Variants in MICAL3 observed in about 807,000 individuals in gnomAD.
The protein encoded by MICAL3 is [F-actin]-monooxygenase MICAL3.
MICAL3 carries 62 observed loss-of-function variants against 207.4 expected under a neutral mutation model. The observed-to-expected ratio is 0.30, with a 90% confidence interval of 0.24 to 0.37. The LOEUF (loss-of-function observed/expected upper bound fraction) is 0.37, where lower values mean the gene tolerates loss of function less well. Among genes scored for constraint, MICAL3 ranks in the 10% least tolerant of loss-of-function variants. The pLI is 1.00. For synonymous variants in MICAL3, 1,077 were observed against 1,069.3 expected, an observed-to-expected ratio of 1.01 and a Z score of -0.14; for missense variants, 2,368 against 2,635.6, an observed-to-expected ratio of 0.90 and a Z score of 2.22.
intron 19 of MICAL3, among the ~76,000 whole-genome samples, chr22:17,851,864 T>C (rs1046788627): frequency 7.9e-5 from 12 of 152,116 alleles, no homozygotes; most frequent in African/African-American, 2.7e-4. Context: ...AGAGAGGAGT[T>C]TGGTTCCGGG....
chr22:17,936,050 A>T (rs1404226122), intron 1 of MICAL3, among the ~76,000 whole-genome samples: 3 of 152,210 alleles, frequency 2.0e-5, no homozygotes, highest in Non-Finnish European at 4.4e-5. Context: ...TAGAATTACC[A>T]TTTGACCCAG....
intron 19 of MICAL3, chr22:17,858,412 TTTGAGTCTAA>T (rs1391530798): frequency 5.6e-5 from 54 of 970,676 alleles, no homozygotes; most frequent in Non-Finnish European, 6.5e-5. Context: ...AGGGCTGGTT[TTTGAGTCTAA>T]AGGAGGTTTC....
At chr22:17,820,806 T>G (rs918598335) in intron 25 of MICAL3, among the ~76,000 whole-genome samples, 19 of 148,514 alleles carry the variant, frequency 1.3e-4, no homozygotes, top group African/African-American at 3.9e-4. Context: ...CCATTTATCA[T>G]AAAAATTATA....
Position 17,906,785 on chromosome 22 carries a change from T to C in MICAL3, c.28A>G (p.Asn10Asp). The change falls in exon 2 of 32, where the codon AAC becomes GAC. Residue 10 changes from asparagine to aspartate, a missense_variant. By Grantham distance (23) the Asn-to-Asp change is conservative. Coordinates refer to ENST00000441493, the MANE Select transcript of MICAL3 (RefSeq NM_015241.3). MEERKHETM[N>D]PAHVLFDRFV... ...CGGTCAAAGAGGACATGAGCTGGGT[T>C]CATGGTCTCATGCTTCCTCTCCTCC... 1.2e-6 allele frequency: 2 copies of C among 1,610,592 alleles called. No homozygotes were observed. Among genetic ancestry groups the C allele is most frequent in the Non-Finnish European group, 1.7e-6 (2 of 1,177,748 alleles).
chr22:17,960,876 C>A (rs1305735369), intron 1 of MICAL3, among the ~76,000 whole-genome samples: 3 of 152,140 alleles, frequency 2.0e-5, no homozygotes, highest in Non-Finnish European at 4.4e-5. Context: ...GTCCTCCAGG[C>A]ATGGAAAGAG....
chr22:17,995,714 G>C (rs1922203620), intron 1 of MICAL3, among the ~76,000 whole-genome samples: 1 of 151,782 alleles, frequency 6.6e-6, no homozygotes, highest in Non-Finnish European at 1.5e-5. Flanking sequence ...TCACCATGTT[G>C]GCCAGGCTGG....
At chr22:17,950,333 TTTTG>T (rs1384583081) in intron 1 of MICAL3, among the ~76,000 whole-genome samples, 1 of 121,412 alleles carries the variant, frequency 8.2e-6, no homozygotes, top group Non-Finnish European at 1.7e-5. Context: ...GGCGTTTTGT[TTTTG>T]TTTTTTTTTT....
At chr22:17,939,652 A>G (rs1301536526) in intron 1 of MICAL3, among the ~76,000 whole-genome samples, 1 of 152,228 alleles carries the variant, frequency 6.6e-6, no homozygotes, top group East Asian at 1.9e-4. Context: ...GATGGCATCA[A>G]TGATTTCCAA....
chr22:17,968,250 C>T (rs1935242064), intron 1 of MICAL3, among the ~76,000 whole-genome samples: 1 of 152,068 alleles, frequency 6.6e-6, no homozygotes, highest in South Asian at 2.1e-4. Flanking sequence ...ATAGCGTGCC[C>T]AGTGCCGAGC....
intron 1 of MICAL3, among the ~76,000 whole-genome samples, chr22:17,916,136 C>T (rs570481024): frequency 6.6e-6 from 1 of 151,994 alleles, no homozygotes; most frequent in East Asian, 1.9e-4. Context: ...TTCTCTTCTG[C>T]CATGGTTCTC....
Position 17,865,949 on chromosome 22 carries a change from G to T in MICAL3, c.2492C>A (p.Pro831Gln), listed in dbSNP as rs776847558. ...RLSGYAQRKR[P>Q]AVAPLSGKEA... ...CTTTCCAGACAGGGGAGCCACTGCC[G>T]GTCTCTTCCTTTGTGCGTAGCCAGA... The change falls in exon 18 of 32, where the codon CCG becomes CAG. Residue 831 changes from proline to glutamine, a missense_variant. Physicochemically the swap from Pro to Gln is moderately conservative, Grantham distance 76. Transcript: ENST00000441493. 6.2e-7 allele frequency: 1 copy of T among 1,613,774 alleles called. No homozygotes were observed. Among genetic ancestry groups the T allele is most frequent in the Non-Finnish European group, 8.5e-7 (1 of 1,179,674 alleles).
At chr22:17,978,517 CT>C (rs796547093) in intron 1 of MICAL3, among the ~76,000 whole-genome samples, 3,494 of 144,174 alleles carry the variant, frequency 0.024, 92 homozygotes, top group African/African-American at 0.063. Flanking sequence ...GAACTGTACA[CT>C]TTTTTTTTTT....
chr22:17,971,937 A>G (rs982940184), intron 1 of MICAL3, among the ~76,000 whole-genome samples: 5 of 152,228 alleles, frequency 3.3e-5, no homozygotes, highest in African/African-American at 1.2e-4. Flanking sequence ...CAGTGGGCTC[A>G]GGGCTCAGTG....
chr22:17,899,117 C>T (rs896561431), intron 7 of MICAL3, among the ~76,000 whole-genome samples: 11 of 152,210 alleles, frequency 7.2e-5, no homozygotes, highest in Non-Finnish European at 7.3e-5. Flanking sequence ...GAAATGCTGT[C>T]TGAAACCTGC....
intron 20 of MICAL3, among the ~76,000 whole-genome samples, chr22:17,837,097 A>C (rs748409366): frequency 2.0e-5 from 3 of 152,230 alleles, no homozygotes; most frequent in Non-Finnish European, 4.4e-5. Flanking sequence ...CCTGCTGAGG[A>C]GGCGGCTGGA....
intron 1 of MICAL3, among the ~76,000 whole-genome samples, chr22:18,008,214 G>A (rs1357405249): frequency 6.6e-6 from 1 of 152,084 alleles, no homozygotes; most frequent in Non-Finnish European, 1.5e-5. Flanking sequence ...ACTCCAGCCT[G>A]GGTAAAAAGA....
At chr22:18,004,067 C>T (rs534196933) in intron 1 of MICAL3, among the ~76,000 whole-genome samples, 1 of 151,638 alleles carries the variant, frequency 6.6e-6, no homozygotes, top group Admixed American at 6.6e-5. Flanking sequence ...TGCGCCTGGC[C>T]CCTGGGATAG....
At chr22:17,829,950 C>A (rs1470461338) in intron 21 of MICAL3, among the ~76,000 whole-genome samples, 1 of 152,146 alleles carries the variant, frequency 6.6e-6, no homozygotes, top group Admixed American at 6.5e-5. Context: ...GTGCAGAGCC[C>A]GTCAGCACAG....
At position 17,998,746 on chromosome 22, in the gene MICAL3, G is replaced by A. The variant is rs1204877811; in HGVS notation, c.-75+25535C>T. Among the ~76,000 whole-genome samples the A allele has an allele frequency of 5.9e-5, 9 of 151,758 alleles. No homozygotes were observed. In the South Asian group the frequency reaches 1.9e-3, roughly 32 times the overall value. On this transcript the variant is annotated intron_variant, in intron 1 of 31. Coordinates refer to ENST00000441493, the MANE Select transcript of MICAL3 (RefSeq NM_015241.3). ...CAGCTGGTATTTTTAGTACAAACAG[G>A]GTTTCACCACGTTGGCCAGGCTGGT...
Sources: gnomAD v4.1 joint callset for allele counts (sites outside exome capture counted in the v4.1 genomes callset) on GRCh38, gnomAD v4.1.1 for gene constraint, MANE v1.5 for transcripts, NCBI Gene and HGNC (gene_info 2026-07-23, HGNC 2026-07-21) for gene names.